SLC51B: variants seen among roughly 807,000 people sequenced by gnomAD.
The protein encoded by SLC51B is organic solute transporter subunit beta.
Under a neutral mutation model 8.0 loss-of-function variants are expected in SLC51B, and 6 were observed. The ratio of observed to expected loss-of-function variants is 0.75; its 90% CI spans 0.41 to 1.48. SLC51B has a LOEUF of 1.48. Ranked by LOEUF, SLC51B falls within the 40% of genes most tolerant of loss-of-function variation. The probability of loss-of-function intolerance (pLI) is 0.01; values close to 1 mark genes in which losing one functional copy is unlikely to be tolerated. For synonymous variants in SLC51B, 61 were observed against 54.8 expected (o/e 1.11, Z -0.50); for missense variants, 150 against 149.7 (o/e 1.00, Z -0.01).
chr15:65,046,575 T>C (rs2086580302), intron 1 of SLC51B, among the ~76,000 whole-genome samples: 2 of 152,236 alleles, frequency 1.3e-5, no homozygotes, highest in South Asian at 4.1e-4. Flanking sequence ...TTTTGGTTTT[T>C]TGTTGGTTGG....
rs368374478 is a variant in SLC51B at position 65,053,286 on chromosome 15, C to CTTT, written c.*131_*133dup. On this transcript the variant is annotated 3_prime_UTR_variant, in exon 4 of 4. Transcript: ENST00000334287. ...GCCGCTTTTTTCTTTTTCTTTCTTT[C>CTTT]TTTTTTTTTTTCTTAGCAGATACAA... 131 of 1,068,282 alleles carry CTTT rather than the reference C, an allele frequency of 1.2e-4. No individual in the cohort carries two copies. The highest frequency in any genetic ancestry group is 1.6e-4 in the Non-Finnish European group (126 of 812,636). 66.2% of individuals were successfully genotyped at this position (1,068,282 alleles called of 1,614,324 possible).
chr15:65,045,415 C>T lies in SLC51B; in HGVS notation c.-276C>T, dbSNP rs1345004057. On this transcript the variant is annotated 5_prime_UTR_variant, in exon 1 of 4. Transcript: ENST00000334287. ...AGAGCTACCAGATGGGTCCAGCTGC[C>T]GCAGGCTCTCCAGGCACTGTCCCCT... 1.3e-5 allele frequency: 2 copies of T among 152,292 alleles called. No homozygotes were observed. The highest frequency in any genetic ancestry group is 2.9e-5 in the Non-Finnish European group (2 of 68,096). The allele number at this position is 152,292 out of a possible 1,614,324, so 9.4% of individuals were successfully genotyped here.
chr15:65,049,832 T>G, intron 1 of SLC51B, 65 bp from the exon 2 acceptor site: 2 of 489,608 alleles, frequency 4.1e-6, no homozygotes, highest in Admixed American at 3.8e-5. Flanking sequence ...GAGATCTGGA[T>G]TTGGGCACAG....
rs181943039 is a variant in SLC51B, at chr15:65,052,238, A to G, written c.188+633A>G. On this transcript the variant is annotated intron_variant, in intron 3 of 3. Transcript: ENST00000334287. The stretch of plus-strand genomic sequence containing the variant: ...ACCTAGAGGCAGAGAGATTAGTTAG[A>G]AATTTCCTGCAGTAGTGTGAGGGAT... 1.6e-4 allele frequency among the ~76,000 whole-genome samples: 25 copies of G among 152,172 alleles called. No homozygotes were observed. The East Asian group carries it at 4.4e-3, about 27-fold the overall frequency.
At chr15:65,051,422 G>A (rs2086651395) in intron 2 of SLC51B, 93 bp from the exon 3 acceptor site, 5 of 1,207,996 alleles carry the variant, frequency 4.1e-6, no homozygotes, top group South Asian at 1.2e-5. Flanking sequence ...AGTTGATGCT[G>A]TAAGCTGGGT....
At position 65,053,025 on chromosome 15, in the gene SLC51B, C is replaced by G; in HGVS notation, c.248C>G (p.Ala83Gly). 6.2e-7 allele frequency: 1 copy of G among 1,613,892 alleles called. No individual in the cohort carries two copies. Among genetic ancestry groups the G allele is most frequent in the Non-Finnish European group, 8.5e-7 (1 of 1,180,000 alleles). ...CCAGAAGTCCTGCATTTGGATGAGG[C>G]CAAGGATCACAACAGCCTAAACAAC... ...ETPEVLHLDE[A>G]KDHNSLNNLR... Residue 83 changes from alanine (A) to glycine (G), a missense_variant, in exon 4 of 4, where the codon GCC becomes GGC. By Grantham distance (60) the Ala-to-Gly change is moderately conservative. Coordinates refer to ENST00000334287, the MANE Select transcript of SLC51B (RefSeq NM_178859.4).
intron 1 of SLC51B, among the ~76,000 whole-genome samples, chr15:65,049,009 C>CAAAAAAA (rs67842486): frequency 1.1e-5 from 1 of 94,310 alleles, no homozygotes. Flanking sequence ...GACTCCGTCT[C>CAAAAAAA]AAAAAAAAAA....
chr15:65,051,233 C>T (rs771677094), intron 2 of SLC51B, among the ~76,000 whole-genome samples: 2 of 152,224 alleles, frequency 1.3e-5, no homozygotes, highest in Non-Finnish European at 2.9e-5. Flanking sequence ...GTCTCCTGCC[C>T]TCCGTAGGCC....
intron 1 of SLC51B, among the ~76,000 whole-genome samples, 177 bp downstream of exon 1, chr15:65,045,759 G>C (rs968412081): frequency 3.1e-4 from 47 of 152,316 alleles, no homozygotes; most frequent in African/African-American, 1.1e-3. Flanking sequence ...AACAAGAAAA[G>C]AACATTAAAG....
chr15:65,050,833 C>CTTTTTTTTTT (rs67418433), intron 2 of SLC51B, among the ~76,000 whole-genome samples: 15 of 88,600 alleles, frequency 1.7e-4, no homozygotes, highest in Middle Eastern at 8.5e-3. Context: ...TCTTCTTCTT[C>CTTTTTTTTTT]TTCTTTTTTT....
rs528502893 is a variant in SLC51B, at chr15:65,053,346, T to TA, written c.*190dup. 42 of 1,416,128 alleles carry TA rather than the reference T, an allele frequency of 3.0e-5. No homozygotes were observed. The highest frequency in any genetic ancestry group is 4.8e-5 in the South Asian group (3 of 62,612). The allele number at this position is 1,416,128 out of a possible 1,614,324, so 87.7% of individuals were successfully genotyped here. A position where few individuals can be genotyped will look rare whatever the true frequency, so the allele number is the denominator to read the frequency against. On this transcript the variant is annotated 3_prime_UTR_variant, in exon 4 of 4. Coordinates refer to ENST00000334287, the MANE Select transcript of SLC51B (RefSeq NM_178859.4). Reference sequence around the variant, plus strand: ...TGCAAGCAAACTAAAATTCTGTTATTAAAAAAAATCTTTTATTAAAATGCT... The same window carrying TA: ...TGCAAGCAAACTAAAATTCTGTTATTAAAAAAAAATCTTTTATTAAAATGCT...
chr15:65,045,981 C>T (rs1237775955), intron 1 of SLC51B, among the ~76,000 whole-genome samples: 5 of 151,578 alleles, frequency 3.3e-5, no homozygotes, highest in East Asian at 3.9e-4. Flanking sequence ...CCCCGGCTAA[C>T]GTGGTGAAAC....
chr15:65,050,816 T>C (rs1177970363), intron 2 of SLC51B, among the ~76,000 whole-genome samples: 4 of 148,744 alleles, frequency 2.7e-5, no homozygotes, highest in African/African-American at 9.9e-5. Flanking sequence ...TTTCCTTTTT[T>C]TTTCTTTCTT....
At chr15:65,052,589 G>C (rs150272672) in intron 3 of SLC51B, among the ~76,000 whole-genome samples, 1 of 152,062 alleles carries the variant, frequency 6.6e-6, no homozygotes, top group East Asian at 1.9e-4. Flanking sequence ...TAGAGATGGG[G>C]TTTTGCCATG....
chr15:65,051,442 G>A, intron 2 of SLC51B, 73 bp from the exon 3 acceptor site: 4 of 1,429,716 alleles, frequency 2.8e-6, no homozygotes, highest in Non-Finnish European at 9.9e-7. Context: ...TCTGAGCCCA[G>A]GCCCCAGCTG....
At chr15:65,050,864 T>C (rs2086644682) in intron 2 of SLC51B, among the ~76,000 whole-genome samples, 1 of 150,264 alleles carries the variant, frequency 6.7e-6, no homozygotes, top group African/African-American at 2.5e-5. Flanking sequence ...GCCTTTTTTT[T>C]GAGGCAGGGT....
intron 1 of SLC51B, among the ~76,000 whole-genome samples, chr15:65,046,614 T>C (rs2086580557): frequency 6.6e-6 from 1 of 152,046 alleles, no homozygotes; most frequent in Non-Finnish European, 1.5e-5. Context: ...ATATTAAACA[T>C]ATTTTAAACA....
intron 1 of SLC51B, among the ~76,000 whole-genome samples, chr15:65,046,602 C>A (rs2086580452): frequency 6.6e-6 from 1 of 152,058 alleles, no homozygotes; most frequent in Admixed American, 6.6e-5. Flanking sequence ...TTTACTGTAA[C>A]AATATTAAAC....
At chr15:65,048,456 C>T (rs138661412) in intron 1 of SLC51B, among the ~76,000 whole-genome samples, 232 of 152,256 alleles carry the variant, frequency 1.5e-3, no homozygotes, top group South Asian at 3.1e-3. Flanking sequence ...TTTTTGAATG[C>T]CCCTGGCTAA....
Sources: allele counts gnomAD v4.1 joint callset (sites outside exome capture counted in the v4.1 genomes callset), GRCh38; gene constraint gnomAD v4.1.1; transcripts MANE v1.5; gene names NCBI Gene and HGNC (gene_info 2026-07-23, HGNC 2026-07-21).